ELOVL6: variants seen among roughly 807,000 people sequenced by gnomAD.
ELOVL6 encodes the protein very long chain fatty acid elongase 6.
Under a neutral mutation model 31.7 loss-of-function variants are expected in ELOVL6, and 8 were observed. The ratio of observed to expected loss-of-function variants is 0.25; its 90% confidence interval spans 0.15 to 0.45. The LOEUF (loss-of-function observed/expected upper bound fraction) is 0.45, where lower values mean the gene tolerates loss of function less well. Ranked by LOEUF, ELOVL6 falls within the 20% of genes least tolerant of loss-of-function variation. ELOVL6 has a pLI of 1.00. For synonymous variants in ELOVL6, 101 were observed against 117.7 expected (o/e 0.86, Z 0.92); for missense variants, 126 against 326.4 (o/e 0.39, Z 4.73).
chr4:110,197,681 C>A (rs1415221287), intron 1 of ELOVL6, among the ~76,000 whole-genome samples: 1 of 151,978 alleles, frequency 6.6e-6, no homozygotes, highest in East Asian at 1.9e-4. Context: ...AGGGGGCATC[C>A]GCCTGAGGAG....
chr4:110,146,541 G>A (rs371073149), intron 1 of ELOVL6: 1 of 152,682 alleles, frequency 6.5e-6, no homozygotes, highest in African/African-American at 2.4e-5. Flanking sequence ...GCTACACCTA[G>A]TGGAATGGGA....
intron 1 of ELOVL6, among the ~76,000 whole-genome samples, chr4:110,171,771 G>A (rs2126273737): frequency 7.5e-6 from 1 of 132,920 alleles, no homozygotes; most frequent in African/African-American, 2.9e-5. Context: ...TTGGCTCACT[G>A]CAGCCTCTGC....
intron 1 of ELOVL6, among the ~76,000 whole-genome samples, chr4:110,195,405 C>T (rs1257913445): frequency 6.6e-6 from 1 of 152,094 alleles, no homozygotes; most frequent in African/African-American, 2.4e-5. Context: ...CAGGCAGGAG[C>T]CACCACACCC....
chr4:110,159,539 G>T (rs755266475), intron 1 of ELOVL6, among the ~76,000 whole-genome samples: 2 of 151,774 alleles, frequency 1.3e-5, no homozygotes, highest in Non-Finnish European at 2.9e-5. Flanking sequence ...CTTTCCTAAT[G>T]AACTCTCTTC....
intron 1 of ELOVL6, among the ~76,000 whole-genome samples, chr4:110,130,747 A>G (rs1757643907): frequency 6.6e-6 from 1 of 152,210 alleles, no homozygotes; most frequent in South Asian, 2.1e-4. Context: ...TGCAATAGCT[A>G]CAGTGCTTAC....
chr4:110,189,336 CA>C (rs757990696), intron 1 of ELOVL6, among the ~76,000 whole-genome samples: 12 of 151,332 alleles, frequency 7.9e-5, no homozygotes, highest in Non-Finnish European at 1.2e-4. Context: ...CCTGTAGTCC[CA>C]AAACTTTGGG....
chr4:110,182,884 G>A (rs1759330751), intron 1 of ELOVL6, among the ~76,000 whole-genome samples: 1 of 151,952 alleles, frequency 6.6e-6, no homozygotes, highest in African/African-American at 2.4e-5. Flanking sequence ...CTCCAGCCTG[G>A]GCAACAAGAA....
chr4:110,097,305 C>CAAAAAAAAA (rs33970271), intron 2 of ELOVL6, among the ~76,000 whole-genome samples: 8 of 88,692 alleles, frequency 9.0e-5, no homozygotes, highest in East Asian at 4.0e-4. Context: ...ACTCCATCTC[C>CAAAAAAAAA]AAAAAAAAAA....
At chr4:110,081,484 A>C (rs556439347) in intron 2 of ELOVL6, among the ~76,000 whole-genome samples, 13 of 152,276 alleles carry the variant, frequency 8.5e-5, no homozygotes, top group South Asian at 2.1e-4. Context: ...CAAAAACAAG[A>C]AATGGGGAAA....
chr4:110,171,508 C>T (rs10028161), intron 1 of ELOVL6, among the ~76,000 whole-genome samples: 37,329 of 151,630 alleles, frequency 0.25, 5,196 homozygotes, highest in African/African-American at 0.37. Flanking sequence ...ATCATACCTA[C>T]ACAATGAAGT....
chr4:110,095,028 T>G (rs1756539201), intron 2 of ELOVL6, among the ~76,000 whole-genome samples: 1 of 152,304 alleles, frequency 6.6e-6, no homozygotes, highest in Middle Eastern at 3.4e-3. Context: ...TCTGGTTAAA[T>G]GAACTACCAG....
At chr4:110,122,894 T>C (rs1021575000) in intron 1 of ELOVL6, among the ~76,000 whole-genome samples, 1 of 152,224 alleles carries the variant, frequency 6.6e-6, no homozygotes, top group Non-Finnish European at 1.5e-5. Flanking sequence ...ACTGTGAAGA[T>C]ACTCCCTGAC....
At chr4:110,159,604 A>C (rs1050066782) in intron 1 of ELOVL6, among the ~76,000 whole-genome samples, 1 of 152,192 alleles carries the variant, frequency 6.6e-6, no homozygotes, top group African/African-American at 2.4e-5. Flanking sequence ...ACTTTCTAAA[A>C]ATCATATTTT....
At chr4:110,117,903 A>AAAAAAATACATATATAT in intron 1 of ELOVL6, 1 of 6,506 alleles carries the variant, frequency 1.5e-4, no homozygotes, top group Non-Finnish European at 3.7e-4. Flanking sequence ...AAAAAAAAAA[A>AAAAAAATACATATATAT]ATATATATAT....
intron 1 of ELOVL6, among the ~76,000 whole-genome samples, chr4:110,113,174 G>T (rs1412825243): frequency 6.7e-6 from 1 of 149,592 alleles, no homozygotes; most frequent in Non-Finnish European, 1.5e-5. Flanking sequence ...GCTGCAGCGA[G>T]CCAGGATTGT....
Position 110,125,742 on chromosome 4 carries a change from G to A in ELOVL6, c.90-20114C>T, listed in dbSNP as rs996428310. ...CTCAGGAGGCTGAGGCAAAAGAATC[G>A]CTTGAACCTGGGAGGTGGAGGTTGA... On this transcript the variant is annotated intron_variant, in intron 1 of 3. Transcript: ENST00000302274. 2.0e-5 allele frequency among the ~76,000 whole-genome samples: 3 copies of A among 151,536 alleles called. No homozygotes were observed. In the East Asian group the frequency reaches 5.8e-4, roughly 30 times the overall value.
chr4:110,197,877 C>A, intron 1 of ELOVL6: 1 of 282,622 alleles, frequency 3.5e-6, no homozygotes, highest in African/African-American at 2.2e-5. Context: ...AGCGAGAAAA[C>A]CCAAATCTAG....
In ELOVL6 at chr4:110,105,479, A is replaced by G. The variant is rs538771864; in HGVS notation, c.221+18T>C. The G allele has an allele frequency of 1.9e-6, 3 of 1,585,876 alleles. No individual in the cohort carries two copies. In the African/African-American group the frequency reaches 4.1e-5, roughly 22 times the overall value. ...GATAAAATGGATACGTTTTATTAGAAAAATGAAAAAAACCTACCTGAAGAC... is the reference window on the plus strand; with the variant it reads ...GATAAAATGGATACGTTTTATTAGAGAAATGAAAAAAACCTACCTGAAGAC... On this transcript the variant is annotated intron_variant, in intron 2 of 3. Coordinates refer to ENST00000302274, the MANE Select transcript of ELOVL6 (RefSeq NM_024090.3).
At chr4:110,053,317 A>G (rs1754884981) in intron 3 of ELOVL6, among the ~76,000 whole-genome samples, 1 of 152,180 alleles carries the variant, frequency 6.6e-6, no homozygotes, top group Non-Finnish European at 1.5e-5. Flanking sequence ...TCCCTCATGT[A>G]CTTCACAGAT....
Sources: allele counts gnomAD v4.1 joint callset (sites outside exome capture counted in the v4.1 genomes callset), GRCh38; gene constraint gnomAD v4.1.1; transcripts MANE v1.5; gene names NCBI Gene and HGNC (gene_info 2026-07-23, HGNC 2026-07-21).